Variants in PRH1 observed in about 807,000 individuals in gnomAD.
The protein encoded by PRH1 is proline rich protein HaeIII subfamily 1, also known as salivary acidic proline-rich phosphoprotein 1/2.
Under a neutral mutation model 7.9 loss-of-function variants are expected in PRH1, and 7 were observed. The observed-to-expected ratio is 0.89, with a 90% CI of 0.50 to 1.67. The LOEUF is 1.67. Ranked by LOEUF, PRH1 falls within the 40% of genes most tolerant of loss-of-function variation. The probability of loss-of-function intolerance (pLI) is 0.00; values close to 1 mark genes in which losing one functional copy is unlikely to be tolerated. For synonymous variants in PRH1, 45 were observed against 80.8 expected (o/e 0.56, Z 2.38); for missense variants, 109 against 223.6 (o/e 0.49, Z 3.27).
At chr12:11,117,546 C>T (rs1056544416), downstream of PRH1, among the ~76,000 whole-genome samples, 2 of 152,064 alleles carry the variant, frequency 1.3e-5, no homozygotes, top group African/African-American at 4.8e-5. Flanking sequence ...ACATTCTTCA[C>T]AGAAATAGAG....
chr12:11,038,129 T>A (rs1192665956), intron 1 of PRH1, among the ~76,000 whole-genome samples: 1 of 152,282 alleles, frequency 6.6e-6, no homozygotes, highest in Non-Finnish European at 1.5e-5. Context: ...AAAACTCTAA[T>A]TACAATGGTA....
chr12:10,974,321 T>G (rs1394262103), intron 1 of PRH1, among the ~76,000 whole-genome samples: 2 of 152,212 alleles, frequency 1.3e-5, no homozygotes, highest in African/African-American at 4.8e-5. Flanking sequence ...TGCTGGCATG[T>G]GTGAACAAGG....
At chr12:10,928,045 G>A (rs1192839286) in intron 2 of PRH1, among the ~76,000 whole-genome samples, 1 of 150,702 alleles carries the variant, frequency 6.6e-6, no homozygotes, top group Non-Finnish European at 1.5e-5. Context: ...CCATTGCTTA[G>A]AAGATTAAAT....
intron 1 of PRH1, among the ~76,000 whole-genome samples, chr12:10,988,706 C>A (rs1939772038): frequency 6.6e-6 from 1 of 152,118 alleles, no homozygotes; most frequent in Non-Finnish European, 1.5e-5. Context: ...TGTCACATTG[C>A]AAATAGCCTA....
At chr12:11,085,984 T>C (rs1005340162) in intron 1 of PRH1, among the ~76,000 whole-genome samples, 25,477 of 78,180 alleles carry the variant, frequency 0.33, 2,089 homozygotes, top group Non-Finnish European at 0.42. Flanking sequence ...ATTTTCCTAC[T>C]AAAAGCATCC....
chr12:10,926,379 T>C (rs1321276867), intron 2 of PRH1, among the ~76,000 whole-genome samples: 1 of 152,228 alleles, frequency 6.6e-6, no homozygotes, highest in East Asian at 1.9e-4. Flanking sequence ...CAAGGTGAAG[T>C]TGAAGAAGAT....
chr12:11,066,924 T>G (rs564872713), intron 1 of PRH1, among the ~76,000 whole-genome samples: 1 of 152,090 alleles, frequency 6.6e-6, no homozygotes, highest in Non-Finnish European at 1.5e-5. Flanking sequence ...AAAAGTGACA[T>G]CCAATAATTA....
chr12:10,991,659 T>C (rs888395494), intron 1 of PRH1, among the ~76,000 whole-genome samples: 17 of 150,596 alleles, frequency 1.1e-4, no homozygotes, highest in African/African-American at 4.1e-4. Flanking sequence ...CTACATTATC[T>C]GTAAGGAGAC....
At chr12:11,138,297 T>A (rs1234673496) in intron 1 of PRH1, among the ~76,000 whole-genome samples, 4 of 152,192 alleles carry the variant, frequency 2.6e-5, no homozygotes, top group Non-Finnish European at 5.9e-5. Context: ...TCTGTTATCT[T>A]ACTATAGCAG....
chr12:11,169,561 T>A (rs1947748449), intron 1 of PRH1, among the ~76,000 whole-genome samples: 1 of 152,078 alleles, frequency 6.6e-6, no homozygotes, highest in South Asian at 2.1e-4. Flanking sequence ...GCGTAAAGGG[T>A]GGCACAAAAG....
chr12:10,904,664 CAAA>C (rs1188607856), intron 2 of PRH1, among the ~76,000 whole-genome samples: 1 of 151,964 alleles, frequency 6.6e-6, no homozygotes, highest in Non-Finnish European at 1.5e-5. Flanking sequence ...CAACAAAAAA[CAAA>C]AATTGACAAG....
chr12:10,949,607 T>C (rs1030018898), intron 2 of PRH1, among the ~76,000 whole-genome samples: 1 of 152,224 alleles, frequency 6.6e-6, no homozygotes, highest in African/African-American at 2.4e-5. Context: ...ATTGTATCTA[T>C]GCACATATGT....
chr12:11,139,763 G>A (rs1029133914), intron 1 of PRH1, among the ~76,000 whole-genome samples: 8 of 152,116 alleles, frequency 5.3e-5, no homozygotes, highest in Non-Finnish European at 2.9e-5. Flanking sequence ...ATATGTATTC[G>A]GATAAGAGTG....
At chr12:11,086,342 G>A (rs796979782) in intron 1 of PRH1, among the ~76,000 whole-genome samples, 7 of 113,706 alleles carry the variant, frequency 6.2e-5, no homozygotes, top group Admixed American at 2.6e-4. Flanking sequence ...TAAAAAACGT[G>A]TTCCATTGAA....
Position 10,970,746 on chromosome 12 carries a change from T to C in PRH1, c.-59+2909A>G, listed in dbSNP as rs1265732177. Among the ~76,000 whole-genome samples the C allele has an allele frequency of 1.3e-5, 2 of 151,980 alleles. 1 individual carries two copies. The highest frequency in any genetic ancestry group is 2.9e-5 in the Non-Finnish European group (2 of 67,988). Reference sequence around the variant, plus strand: ...CAATCAGCTAATTTTTTGTATTTTCTAGTAGATACGGGCTTTCACCATGTT... The same window carrying C: ...CAATCAGCTAATTTTTTGTATTTTCCAGTAGATACGGGCTTTCACCATGTT... On this transcript the variant is annotated intron_variant, in intron 2 of 3. Transcript: ENST00000539853.
intron 1 of PRH1, chr12:11,091,845 T>C: frequency 1.4e-6 from 2 of 1,472,236 alleles, no homozygotes; most frequent in South Asian, 1.1e-5. Flanking sequence ...ATCACCAGAA[T>C]GACACTCTTA....
intron 1 of PRH1, among the ~76,000 whole-genome samples, chr12:11,100,445 C>T (rs1945201119): frequency 6.6e-6 from 1 of 152,114 alleles, no homozygotes; most frequent in South Asian, 2.1e-4. Context: ...GGGTCATCAC[C>T]ACAAACTCTC....
intron 1 of PRH1, chr12:11,031,347 C>G: frequency 6.3e-7 from 1 of 1,594,644 alleles, no homozygotes; most frequent in Non-Finnish European, 8.5e-7. Flanking sequence ...TCTGAACAGA[C>G]AAAAAAAAAT....
chr12:11,155,798 T>C (rs568083574), intron 1 of PRH1, among the ~76,000 whole-genome samples: 2 of 152,294 alleles, frequency 1.3e-5, no homozygotes, highest in Admixed American at 1.3e-4. Context: ...TTACAAATAA[T>C]ACTACCATGG....
Sources: allele counts gnomAD v4.1 joint callset (sites outside exome capture counted in the v4.1 genomes callset), GRCh38; gene constraint gnomAD v4.1.1; transcripts MANE v1.5; gene names NCBI Gene and HGNC (gene_info 2026-07-23, HGNC 2026-07-21).